Variants in CPE observed in about 807,000 individuals in gnomAD.
The protein encoded by CPE is carbocypeptidase E.
Under a neutral mutation model 53.5 loss-of-function variants are expected in CPE, and 17 were observed. The ratio of observed to expected loss-of-function variants is 0.32; its 90% CI spans 0.22 to 0.48. The LOEUF (loss-of-function observed/expected upper bound fraction) is 0.48, where lower values mean the gene tolerates loss of function less well. Among genes scored for constraint, CPE ranks in the 20% least tolerant of loss-of-function variants. CPE has a pLI of 0.99. For synonymous variants in CPE, 226 were observed against 228.8 expected (o/e 0.99, Z 0.11); for missense variants, 524 against 614.7 (o/e 0.85, Z 1.56).
chr4:165,388,413 T>A (rs559298106), intron 1 of CPE, among the ~76,000 whole-genome samples: 15 of 152,350 alleles, frequency 9.8e-5, no homozygotes, highest in South Asian at 2.1e-4. Context: ...AGGCCTTTTT[T>A]AAATAGAACT....
At chr4:165,446,060 A>G (rs1394727881) in intron 1 of CPE, among the ~76,000 whole-genome samples, 1 of 152,176 alleles carries the variant, frequency 6.6e-6, no homozygotes, top group Non-Finnish European at 1.5e-5. Flanking sequence ...AAATGAAACC[A>G]CAAATTCACA....
At chr4:165,480,987 C>G (rs1196284050) in intron 3 of CPE, among the ~76,000 whole-genome samples, 1 of 131,754 alleles carries the variant, frequency 7.6e-6, no homozygotes, top group African/African-American at 2.8e-5. Context: ...TCTACATTTT[C>G]TACAATGGAT....
intron 1 of CPE, among the ~76,000 whole-genome samples, chr4:165,426,687 G>A (rs1440748591): frequency 2.0e-5 from 3 of 152,086 alleles, no homozygotes; most frequent in Non-Finnish European, 4.4e-5. Context: ...AAATACACAT[G>A]CACACTCACC....
intron 1 of CPE, among the ~76,000 whole-genome samples, chr4:165,453,151 G>A (rs191530435): frequency 6.6e-6 from 1 of 151,884 alleles, no homozygotes; most frequent in Non-Finnish European, 1.5e-5. Flanking sequence ...GTAGAGACGG[G>A]GTTTTACCAT....
At chr4:165,449,286 C>T (rs922759398) in intron 1 of CPE, among the ~76,000 whole-genome samples, 6 of 152,170 alleles carry the variant, frequency 3.9e-5, no homozygotes, top group South Asian at 2.1e-4. Flanking sequence ...AAGATCAGGT[C>T]GAGGTTAATA....
intron 3 of CPE, among the ~76,000 whole-genome samples, chr4:165,470,315 C>T (rs1418278952): frequency 6.6e-6 from 1 of 152,138 alleles, no homozygotes; most frequent in African/African-American, 2.4e-5. Context: ...CCTGATTCTT[C>T]CCTTGGGGTG....
chr4:165,473,622 T>C (rs1434677985), intron 3 of CPE, among the ~76,000 whole-genome samples: 2 of 152,216 alleles, frequency 1.3e-5, no homozygotes, highest in African/African-American at 4.8e-5. Context: ...GAAATAGAGC[T>C]ATTAGAGGGA....
chr4:165,480,817 A>C (rs1301816603), intron 3 of CPE, among the ~76,000 whole-genome samples: 1 of 152,070 alleles, frequency 6.6e-6, no homozygotes, highest in African/African-American at 2.4e-5. Flanking sequence ...TCAAGCAAAA[A>C]AAGCAGTATA....
chr4:165,433,915 G>A (rs1398229163), intron 1 of CPE, among the ~76,000 whole-genome samples: 3 of 152,060 alleles, frequency 2.0e-5, no homozygotes, highest in African/African-American at 7.2e-5. Context: ...TTTTGTACCT[G>A]TTCTTTGGCT....
intron 1 of CPE, among the ~76,000 whole-genome samples, chr4:165,453,320 CTTCCTTCCTTCT>C (rs1731845725): frequency 6.7e-6 from 1 of 148,790 alleles, no homozygotes; most frequent in African/African-American, 2.5e-5. Context: ...TCCTTCCTTC[CTTCCTTCCTTCT>C]TTCCTTCCTT....
At chr4:165,491,780 G>A (rs558504284) in intron 6 of CPE, among the ~76,000 whole-genome samples, 1 of 151,914 alleles carries the variant, frequency 6.6e-6, no homozygotes, top group African/African-American at 2.4e-5. Context: ...TGGTAACAAG[G>A]CACATCTTTT....
intron 5 of CPE, 97 bp downstream of exon 5, chr4:165,484,701 C>T (rs755914525): frequency 4.4e-6 from 5 of 1,135,868 alleles, no homozygotes; most frequent in South Asian, 1.8e-5. Flanking sequence ...AATCTTCAAT[C>T]GTCCTCCATC....
At chr4:165,401,528 G>A (rs972959381) in intron 1 of CPE, among the ~76,000 whole-genome samples, 3 of 152,210 alleles carry the variant, frequency 2.0e-5, no homozygotes, top group South Asian at 4.1e-4. Flanking sequence ...AACCTGTCAC[G>A]TAAGATTTAT....
intron 1 of CPE, chr4:165,406,106 C>G: frequency 1.3e-6 from 1 of 757,420 alleles, no homozygotes; most frequent in Non-Finnish European, 2.5e-6. Flanking sequence ...ATCACTAGCC[C>G]AGATTTCATT....
chr4:165,447,693 G>A (rs1404386573), intron 1 of CPE, among the ~76,000 whole-genome samples: 2 of 151,834 alleles, frequency 1.3e-5, no homozygotes, highest in African/African-American at 4.8e-5. Flanking sequence ...TGACTCTTTT[G>A]TAATCACACA....
intron 1 of CPE, among the ~76,000 whole-genome samples, chr4:165,423,272 G>A (rs1731257606): frequency 6.6e-6 from 1 of 152,136 alleles, no homozygotes; most frequent in Admixed American, 6.5e-5. Context: ...AGGCAGGTTT[G>A]CCCTAAGCAG....
intron 1 of CPE, among the ~76,000 whole-genome samples, chr4:165,437,040 A>G (rs1266594618): frequency 6.6e-6 from 1 of 152,218 alleles, no homozygotes; most frequent in Non-Finnish European, 1.5e-5. Context: ...GGAAGTGTGA[A>G]AGTGAGATCC....
At chr4:165,469,253 G>C (rs1321133492) in intron 3 of CPE, among the ~76,000 whole-genome samples, 1 of 152,150 alleles carries the variant, frequency 6.6e-6, no homozygotes, top group Non-Finnish European at 1.5e-5. Context: ...AAGAACTGCT[G>C]TCAGCAGCCC....
At chr4:165,429,731 A>T (rs1046282454) in intron 1 of CPE, among the ~76,000 whole-genome samples, 1 of 151,972 alleles carries the variant, frequency 6.6e-6, no homozygotes. Flanking sequence ...AGCTTCTGTC[A>T]TGTTACAAAC....
Sources: gnomAD v4.1 joint callset for allele counts (sites outside exome capture counted in the v4.1 genomes callset) on GRCh38, gnomAD v4.1.1 for gene constraint, MANE v1.5 for transcripts, NCBI Gene and HGNC (gene_info 2026-07-23, HGNC 2026-07-21) for gene names.